UVRAG: variants seen among roughly 807,000 people sequenced by gnomAD.
The protein encoded by UVRAG is UV radiation resistance associated.
A neutral mutation model predicts 78.0 loss-of-function variants in UVRAG; 19 were observed. That is an observed-to-expected ratio of 0.24 (90% confidence interval 0.17 to 0.36). The LOEUF (loss-of-function observed/expected upper bound fraction) is 0.36. Among genes scored for constraint, UVRAG ranks in the 10% least tolerant of loss-of-function variants. The pLI, the probability that UVRAG is intolerant of heterozygous loss-of-function variation, is 1.00. For synonymous variants in UVRAG, 323 were observed against 324.6 expected, an observed-to-expected ratio of 1.00 and a Z score of 0.05; for missense variants, 740 against 853.8, an observed-to-expected ratio of 0.87 and a Z score of 1.66.
chr11:75,943,794 C>T (rs981780105), intron 6 of UVRAG, among the ~76,000 whole-genome samples: 1 of 152,086 alleles, frequency 6.6e-6, no homozygotes, highest in Non-Finnish European at 1.5e-5. Flanking sequence ...TATTTATAAG[C>T]AATAGTATTG....
intron 8 of UVRAG, among the ~76,000 whole-genome samples, chr11:75,998,312 G>A (rs1362138744): frequency 6.6e-6 from 1 of 152,140 alleles, no homozygotes; most frequent in Non-Finnish European, 1.5e-5. Flanking sequence ...TTTGAAAGGA[G>A]CACTAAGGAT....
chr11:76,107,870 G>GGA (rs1951998806), intron 13 of UVRAG, among the ~76,000 whole-genome samples: 1 of 151,886 alleles, frequency 6.6e-6, no homozygotes, highest in Non-Finnish European at 1.5e-5. Flanking sequence ...GATTGAAATA[G>GGA]TGGTAACTAG....
At chr11:75,986,017 T>C (rs1949495914) in intron 8 of UVRAG, among the ~76,000 whole-genome samples, 1 of 152,198 alleles carries the variant, frequency 6.6e-6, no homozygotes, top group Non-Finnish European at 1.5e-5. Flanking sequence ...CCTATGTCAT[T>C]TTCATGTGAA....
rs907231413 is a variant in UVRAG, at chr11:76,116,095, C to T, written c.1397+80C>T. On this transcript the variant is annotated intron_variant, in intron 14 of 14. Transcript: ENST00000356136. ...AATCTTTTCTGACTTCCACATTGCTCCACACCTGCCTCTGAGTTTTCTTCT... is the reference window on the plus strand; with the variant it reads ...AATCTTTTCTGACTTCCACATTGCTTCACACCTGCCTCTGAGTTTTCTTCT... 90 of 1,307,400 alleles carry T rather than the reference C, an allele frequency of 6.9e-5. No individual in the cohort carries two copies. The Middle Eastern group carries it at 1.7e-3, about 24-fold the overall frequency. 81.0% of individuals were successfully genotyped at this position (1,307,400 alleles called of 1,614,324 possible).
Position 76,076,196 on chromosome 11 carries a change from C to T in UVRAG, c.1305+10408C>T, listed in dbSNP as rs566731155. Among the ~76,000 whole-genome samples, 89 of 152,296 alleles carry T rather than the reference C, an allele frequency of 5.8e-4. 2 individuals carry two copies. The Middle Eastern group carries it at 0.017, about 29-fold the overall frequency. ...TTTCTAAAGTGGCAACACCATTTTA[C>T]ATTCCCACTACTAATGTACAAAGGT... On this transcript the variant is annotated intron_variant, in intron 13 of 14. Transcript: ENST00000356136.
At chr11:75,935,361 A>T (rs1484734507) in intron 6 of UVRAG, among the ~76,000 whole-genome samples, 1 of 152,000 alleles carries the variant, frequency 6.6e-6, no homozygotes, top group Non-Finnish European at 1.5e-5. Context: ...GAATTGCTTT[A>T]TTAGTTATTA....
Position 76,141,043 on chromosome 11 carries a change from C to T in UVRAG, c.1730C>T (p.Ala577Val), listed in dbSNP as rs750775224. 9.9e-6 allele frequency: 16 copies of T among 1,614,022 alleles called. No homozygotes were observed. Among genetic ancestry groups the T allele is most frequent in the Middle Eastern group, 1.6e-4 (1 of 6,082 alleles). The change falls in exon 15 of 15, where the codon GCG becomes GTG. Residue 577 changes from alanine (A) to valine (V), a missense_variant. Transcript: ENST00000356136. ...DLVGSLNGGH[A>V]NVHPSQEQGE... ...GTTGGCAGCTTAAACGGAGGCCACG[C>T]GAATGTGCACCCTAGCCAAGAACAA...
intron 13 of UVRAG, among the ~76,000 whole-genome samples, chr11:76,108,808 A>G (rs1222814001): frequency 2.0e-5 from 3 of 152,146 alleles, no homozygotes; most frequent in Admixed American, 1.3e-4. Context: ...TTGCTACCAG[A>G]CAATACAGTT....
At chr11:76,059,230 A>T (rs1184569405) in intron 12 of UVRAG, among the ~76,000 whole-genome samples, 1 of 152,242 alleles carries the variant, frequency 6.6e-6, no homozygotes, top group Non-Finnish European at 1.5e-5. Context: ...TAGTTTCTCC[A>T]CTTTACAGCT....
At chr11:75,920,800 TA>T (rs1327329945) in intron 6 of UVRAG, among the ~76,000 whole-genome samples, 1 of 152,216 alleles carries the variant, frequency 6.6e-6, no homozygotes, top group Non-Finnish European at 1.5e-5. Flanking sequence ...AATTAATTTA[TA>T]AAATTAAAAT....
At chr11:75,949,724 C>T (rs1490455514) in intron 6 of UVRAG, among the ~76,000 whole-genome samples, 18 of 148,310 alleles carry the variant, frequency 1.2e-4, no homozygotes, top group African/African-American at 4.5e-4. Context: ...TACACACACA[C>T]ACACACATAT....
intron 5 of UVRAG, among the ~76,000 whole-genome samples, chr11:75,894,147 A>G (rs866775651): frequency 6.6e-6 from 1 of 152,206 alleles, no homozygotes; most frequent in Non-Finnish European, 1.5e-5. Flanking sequence ...TGATAAACCT[A>G]TGTGTTTTAA....
intron 14 of UVRAG, among the ~76,000 whole-genome samples, chr11:76,135,074 G>A (rs969679567): frequency 1.3e-5 from 2 of 152,208 alleles, no homozygotes. Context: ...TCTAACTAAC[G>A]CCTGATGATC....
In UVRAG at chr11:75,856,570, G is replaced by A. The variant is rs183777210; in HGVS notation, c.235+4570G>A. 3.6e-3 allele frequency among the ~76,000 whole-genome samples: 544 copies of A among 152,120 alleles called. 2 individuals carry two copies. The highest frequency in any genetic ancestry group is 0.012 in the African/African-American group (502 of 41,464). On this transcript the variant is annotated intron_variant, in intron 2 of 14. Transcript: ENST00000356136. The stretch of plus-strand genomic sequence containing the variant: ...GGTGATTCTCCCGCCTCAGCCTCCC[G>A]AGTAGCTGGGACTATAGGCACACAC...
intron 12 of UVRAG, among the ~76,000 whole-genome samples, chr11:76,032,566 A>C (rs1374487218): frequency 1.3e-5 from 2 of 152,184 alleles, no homozygotes; most frequent in Non-Finnish European, 2.9e-5. Flanking sequence ...GAATTAGGTA[A>C]AGTTACCTGG....
chr11:76,099,742 C>T (rs557546213), intron 13 of UVRAG, among the ~76,000 whole-genome samples: 11 of 151,862 alleles, frequency 7.2e-5, no homozygotes, highest in Non-Finnish European at 1.5e-4. Context: ...AAAATAGCAC[C>T]ACGTAATATT....
chr11:75,985,381 GC>G (rs1949479743), intron 8 of UVRAG, among the ~76,000 whole-genome samples: 1 of 151,410 alleles, frequency 6.6e-6, no homozygotes, highest in Non-Finnish European at 1.5e-5. Context: ...TGAATCTTTT[GC>G]CCATTAATAA....
At chr11:76,010,083 T>C (rs1195418406) in intron 11 of UVRAG, among the ~76,000 whole-genome samples, 4 of 152,186 alleles carry the variant, frequency 2.6e-5, no homozygotes, top group African/African-American at 9.7e-5. Flanking sequence ...CCCTCAGATA[T>C]CTGTAAGACA....
At chr11:76,073,471 G>A (rs924642177) in intron 13 of UVRAG, among the ~76,000 whole-genome samples, 14 of 152,122 alleles carry the variant, frequency 9.2e-5, no homozygotes, top group Admixed American at 8.5e-4. Flanking sequence ...ATTCCAGATC[G>A]CTTGTGTCTG....
Sources: gnomAD v4.1 joint callset for allele counts (sites outside exome capture counted in the v4.1 genomes callset) on GRCh38, gnomAD v4.1.1 for gene constraint, MANE v1.5 for transcripts, NCBI Gene and HGNC (gene_info 2026-07-23, HGNC 2026-07-21) for gene names.